The following PLCB1 variants were observed in gnomAD, a reference collection of about 807,000 sequenced individuals.
PLCB1 encodes phospholipase C beta 1, also known as 1-phosphatidylinositol 4,5-bisphosphate phosphodiesterase beta-1.
In PLCB1, 46 loss-of-function variants were observed where a neutral mutation model predicts 161.8. The observed-to-expected ratio is 0.28, with a 90% confidence interval of 0.22 to 0.36. PLCB1 has a LOEUF of 0.36. Ranked by LOEUF, PLCB1 falls within the 10% of genes least tolerant of loss-of-function variation. PLCB1 has a pLI of 1.00. For missense variants in PLCB1, 1,016 were observed against 1,472.5 expected, an observed-to-expected ratio of 0.69 and a Z score of 5.07; for synonymous variants, 517 against 503.7, an observed-to-expected ratio of 1.03 and a Z score of -0.35.
At chr20:8,715,658 T>C (rs558767703) in intron 12 of PLCB1, among the ~76,000 whole-genome samples, 1 of 152,270 alleles carries the variant, frequency 6.6e-6, no homozygotes, top group South Asian at 2.1e-4. Context: ...TTCCCCAAGG[T>C]GCCTGCTACT....
chr20:8,750,289 T>A (rs1407022331), intron 23 of PLCB1, among the ~76,000 whole-genome samples: 1 of 152,208 alleles, frequency 6.6e-6, no homozygotes, highest in Non-Finnish European at 1.5e-5. Flanking sequence ...TTGGTGTTAA[T>A]GAAGAAGCTC....
At chr20:8,513,490 T>C (rs1983979957) in intron 3 of PLCB1, among the ~76,000 whole-genome samples, 2 of 152,244 alleles carry the variant, frequency 1.3e-5, no homozygotes, top group South Asian at 4.1e-4. Context: ...TTCAATTAAA[T>C]GCACGAAGTG....
At chr20:8,584,839 C>T (rs1443741077) in intron 3 of PLCB1, among the ~76,000 whole-genome samples, 3 of 151,966 alleles carry the variant, frequency 2.0e-5, no homozygotes, top group Non-Finnish European at 4.4e-5. Context: ...TATAGGCGCC[C>T]GCCACCACAC....
Position 8,740,377 on chromosome 20 carries a change from A to G in PLCB1, c.2342A>G (p.Asn781Ser). 1 of 1,609,552 alleles carries G rather than the reference A, an allele frequency of 6.2e-7. No individual in the cohort carries two copies. The highest frequency in any genetic ancestry group is 8.5e-7 in the Non-Finnish European group (1 of 1,178,088). The part of the protein sequence containing the change: ...YHYICLRNER[N>S]QPLTLPAVFV... ...TATATCTGTCTAAGGAATGAAAGGA[A>G]CCAGCCTCTGACGCTGCCTGCTGTC... Residue 781 changes from asparagine (N) to serine (S), a missense_variant, in exon 22 of 32, where the codon AAC becomes AGC. By Grantham distance (46) the Asn-to-Ser change is conservative. Around this residue, in one of 10 missense-constraint regions of PLCB1, gnomAD observed 75 missense variants for 117.0 expected, o/e 0.64. Transcript: ENST00000338037.
intron 2 of PLCB1, among the ~76,000 whole-genome samples, chr20:8,359,120 C>A (rs1986458090): frequency 1.3e-5 from 2 of 152,068 alleles, no homozygotes. Flanking sequence ...AATCTGTCCC[C>A]ATCCCACTTT....
intron 3 of PLCB1, among the ~76,000 whole-genome samples, chr20:8,499,639 A>C (rs1225835686): frequency 6.6e-6 from 1 of 152,206 alleles, no homozygotes; most frequent in African/African-American, 2.4e-5. Flanking sequence ...ACCCTTTAAA[A>C]TCCATGCCAT....
intron 31 of PLCB1, among the ~76,000 whole-genome samples, chr20:8,873,883 G>A (rs6118365): frequency 0.056 from 8,456 of 151,832 alleles, 461 homozygotes; most frequent in African/African-American, 0.14. Context: ...TATTTTCCCT[G>A]ATCTTTAGCA....
At chr20:8,689,848 G>A (rs1237154802) in intron 10 of PLCB1, among the ~76,000 whole-genome samples, 1 of 150,746 alleles carries the variant, frequency 6.6e-6, no homozygotes, top group Non-Finnish European at 1.5e-5. Context: ...TTAAATTTGA[G>A]GGTGTTGGCA....
intron 3 of PLCB1, among the ~76,000 whole-genome samples, chr20:8,510,476 C>G (rs1391137168): frequency 1.3e-5 from 2 of 151,568 alleles, no homozygotes; most frequent in Middle Eastern, 3.4e-3. Context: ...ACCTCTGCCT[C>G]CCAGGTTCAA....
chr20:8,829,033 CAT>C (rs1375842806), intron 31 of PLCB1, among the ~76,000 whole-genome samples: 3 of 152,136 alleles, frequency 2.0e-5, no homozygotes, highest in Non-Finnish European at 2.9e-5. Context: ...ATGATATAGA[CAT>C]ATGCTAAAGC....
At position 8,152,886 on chromosome 20, in the gene PLCB1, T is replaced by C. The variant is rs901392150; in HGVS notation, c.177+2515T>C. Among the ~76,000 whole-genome samples, 33 of 152,168 alleles carry C rather than the reference T, an allele frequency of 2.2e-4. 1 individual carries two copies. On this transcript the variant is annotated intron_variant, in intron 2 of 31. Transcript: ENST00000338037. ...GAGGGGATTTTACAAGTGTTTTTTA[T>C]TTTTCTTTTTTATAGCATTGGAGGT... is the stretch of plus-strand genomic sequence containing the variant.
chr20:8,721,325 G>A (rs1979620243), intron 14 of PLCB1, among the ~76,000 whole-genome samples: 1 of 152,176 alleles, frequency 6.6e-6, no homozygotes. Context: ...TCGTGCTATT[G>A]CATTGTGTGA....
chr20:8,618,932 G>A (rs569281868), intron 3 of PLCB1, among the ~76,000 whole-genome samples: 5 of 151,680 alleles, frequency 3.3e-5, no homozygotes, highest in Non-Finnish European at 5.9e-5. Context: ...TAACACAAAA[G>A]GTATATAAAT....
At chr20:8,667,723 C>CAAATATAA (rs1989848061) in intron 9 of PLCB1, among the ~76,000 whole-genome samples, 1 of 152,164 alleles carries the variant, frequency 6.6e-6, no homozygotes, top group Non-Finnish European at 1.5e-5. Context: ...AATGCCAGTC[C>CAAATATAA]ACAGGATAGA....
rs143457595 is a variant in PLCB1, at chr20:8,159,449, C to T, written c.177+9078C>T. Reference sequence around the variant, plus strand: ...TCTGGGCCTATGATGGGAGGGGCTGCCATGAAGACATCTGACATGCCCTGG... The same window carrying T: ...TCTGGGCCTATGATGGGAGGGGCTGTCATGAAGACATCTGACATGCCCTGG... On this transcript the variant is annotated intron_variant, in intron 2 of 31. Transcript: ENST00000338037. Among the ~76,000 whole-genome samples, 604 of 152,214 alleles carry T rather than the reference C, an allele frequency of 4.0e-3. 6 individuals are homozygous for T. The highest frequency in any genetic ancestry group is 8.5e-3 in the Admixed American group (130 of 15,280).
intron 3 of PLCB1, among the ~76,000 whole-genome samples, chr20:8,585,583 T>C (rs1325068796): frequency 6.6e-6 from 1 of 152,222 alleles, no homozygotes; most frequent in Admixed American, 6.5e-5. Context: ...CGTTATTAAC[T>C]CTTTTTAGAA....
At chr20:8,835,762 T>G (rs1253979705) in intron 31 of PLCB1, among the ~76,000 whole-genome samples, 1 of 151,648 alleles carries the variant, frequency 6.6e-6, no homozygotes, top group Non-Finnish European at 1.5e-5. Flanking sequence ...GCACAGGAAA[T>G]GGTCCAAAGC....
At chr20:8,818,918 G>C (rs1248761055) in intron 31 of PLCB1, among the ~76,000 whole-genome samples, 1 of 150,638 alleles carries the variant, frequency 6.6e-6, no homozygotes, top group African/African-American at 2.5e-5. Flanking sequence ...TCTCCAGCCT[G>C]GGTGACAGAG....
intron 31 of PLCB1, among the ~76,000 whole-genome samples, chr20:8,852,584 T>C (rs4816096): frequency 0.32 from 49,314 of 152,038 alleles, 8,896 homozygotes; most frequent in East Asian, 0.63. Context: ...GAGGGTCAGT[T>C]ACAGACAAGG....
Sources: allele counts gnomAD v4.1 joint callset (sites outside exome capture counted in the v4.1 genomes callset), GRCh38; gene constraint gnomAD v4.1.1; regional missense constraint gnomAD v4.1.1; transcripts MANE v1.5; gene names NCBI Gene and HGNC (gene_info 2026-07-23, HGNC 2026-07-21).